The following SIPA1L2 variants were observed in gnomAD, a reference collection of about 807,000 sequenced individuals.
The protein encoded by SIPA1L2 is signal-induced proliferation-associated 1-like protein 2.
Under a neutral mutation model 163.9 loss-of-function variants are expected in SIPA1L2, and 56 were observed. The observed-to-expected ratio is 0.34, with a 90% CI of 0.28 to 0.43. The LOEUF is 0.43. SIPA1L2 is among the 20% of genes least tolerant of loss of function. The pLI is 1.00. For synonymous variants in SIPA1L2, 877 were observed against 865.7 expected, an observed-to-expected ratio of 1.01 and a Z score of -0.23; for missense variants, 1,974 against 2,193.5, an observed-to-expected ratio of 0.90 and a Z score of 2.00.
chr1:232,464,946 G>A lies in SIPA1L2; in HGVS notation c.2714C>T (p.Ser905Phe). The change falls in exon 9 of 23, where the codon TCT becomes TTT. Residue 905 changes from serine to phenylalanine, a missense_variant. Coordinates refer to ENST00000674635, the MANE Select transcript of SIPA1L2 (RefSeq NM_020808.5). ...AAACACTTTGATACTCACTAATCCA[G>A]ATGTCCACCCAATCACATCCCTGCA... Reference protein sequence around the residue: ...CSCRDVIGWTSGLVSIKVFYE... With the variant: ...CSCRDVIGWTFGLVSIKVFYE... 1 of 1,614,200 alleles carries A rather than the reference G, an allele frequency of 6.2e-7. No homozygotes were observed. The highest frequency in any genetic ancestry group is 8.5e-7 in the Non-Finnish European group (1 of 1,180,042).
chr1:232,445,828 C>A, intron 10 of SIPA1L2, 42 bp from the exon 11 acceptor site: 1 of 1,589,756 alleles, frequency 6.3e-7, no homozygotes, highest in Non-Finnish European at 8.6e-7. Context: ...AAGCTCTCAG[C>A]TGAGCTGTCA....
At chr1:232,603,811 C>T (rs1441916885) in intron 1 of SIPA1L2, among the ~76,000 whole-genome samples, 1 of 152,076 alleles carries the variant, frequency 6.6e-6, no homozygotes, top group Non-Finnish European at 1.5e-5. Flanking sequence ...CATCATTATA[C>T]CCCAAGTCTT....
At chr1:232,532,985 T>C (rs979472260) in intron 2 of SIPA1L2, among the ~76,000 whole-genome samples, 4 of 152,220 alleles carry the variant, frequency 2.6e-5, no homozygotes, top group Non-Finnish European at 5.9e-5. Flanking sequence ...TGACATTAGC[T>C]GTACAGATCT....
intron 1 of SIPA1L2, among the ~76,000 whole-genome samples, chr1:232,616,116 A>C (rs893200445): frequency 6.6e-6 from 1 of 152,212 alleles, no homozygotes; most frequent in African/African-American, 2.4e-5. Flanking sequence ...CCTCAGTCTT[A>C]GCCCATGTCT....
At chr1:232,512,892 G>A (rs767741585) in intron 3 of SIPA1L2, among the ~76,000 whole-genome samples, 2 of 152,228 alleles carry the variant, frequency 1.3e-5, no homozygotes, top group African/African-American at 2.4e-5. Context: ...AAAAGGAGGA[G>A]GAGAGTAGCG....
intron 1 of SIPA1L2, among the ~76,000 whole-genome samples, chr1:232,611,888 A>G (rs185446389): frequency 4.6e-5 from 7 of 152,326 alleles, no homozygotes; most frequent in African/African-American, 1.4e-4. Context: ...TCTCCAGGGC[A>G]TATCAGAGGC....
chr1:232,409,742 C>T (rs1660841223), intron 19 of SIPA1L2, among the ~76,000 whole-genome samples: 2 of 144,630 alleles, frequency 1.4e-5, no homozygotes. Context: ...AGCTGAGCTG[C>T]AGCTGCATGC....
chr1:232,403,838 C>G (rs1172378987), intron 20 of SIPA1L2, among the ~76,000 whole-genome samples: 1 of 152,166 alleles, frequency 6.6e-6, no homozygotes, highest in African/African-American at 2.4e-5. Context: ...TTTGCTACAG[C>G]CAATTTGCTT....
intron 2 of SIPA1L2, among the ~76,000 whole-genome samples, chr1:232,552,309 G>A (rs1658440727): frequency 6.6e-6 from 1 of 152,030 alleles, no homozygotes; most frequent in African/African-American, 2.4e-5. Flanking sequence ...TAATTCTTAG[G>A]TAAAAGGTTG....
rs1334791580 is a variant in SIPA1L2 at position 232,465,491 on chromosome 1, TATATACACACACACACACATATAC to T, written c.2244-99_2244-76del. ...TATGTATCTTTCCGAATTTGACATATATATACACACACACACACATATACATACACACACACACACACATATACA... is the reference window on the plus strand; with the variant it reads ...TATGTATCTTTCCGAATTTGACATATATACACACACACACACACATATACA... On this transcript the variant is annotated intron_variant, in intron 8 of 22. Transcript: ENST00000674635. The surrounding 1 kb of genome is among the most constrained non-coding windows in gnomAD (Gnocchi z 4.1). 678 of 1,166,378 alleles carry T rather than the reference TATATACACACACACACACATATAC, an allele frequency of 5.8e-4. 8 individuals carry two copies. Among genetic ancestry groups the T allele is most frequent in the Non-Finnish European group, 7.6e-4 (618 of 813,582 alleles). The allele number at this position is 1,166,378 out of a possible 1,614,324, so 72.3% of individuals were successfully genotyped here.
intron 2 of SIPA1L2, among the ~76,000 whole-genome samples, chr1:232,520,151 T>C (rs1273309281): frequency 6.6e-6 from 1 of 152,216 alleles, no homozygotes; most frequent in Admixed American, 6.5e-5. Context: ...TTTCTTTCTG[T>C]TCTTTAAGCT....
At chr1:232,476,578 C>A (rs921955103) in intron 7 of SIPA1L2, among the ~76,000 whole-genome samples, 4 of 152,014 alleles carry the variant, frequency 2.6e-5, no homozygotes, top group Non-Finnish European at 4.4e-5. Flanking sequence ...GGAAGACAGC[C>A]CTGGAAAAAG....
At chr1:232,597,310 T>C (rs557753878) in intron 1 of SIPA1L2, among the ~76,000 whole-genome samples, 1 of 151,940 alleles carries the variant, frequency 6.6e-6, no homozygotes, top group South Asian at 2.1e-4. Context: ...AAGGTGGGGA[T>C]AGTGAACTGG....
intron 2 of SIPA1L2, among the ~76,000 whole-genome samples, chr1:232,560,246 A>C (rs1224683367): frequency 6.6e-6 from 1 of 152,216 alleles, no homozygotes; most frequent in Non-Finnish European, 1.5e-5. Context: ...AAAATGGCTT[A>C]ACCACCTCCT....
intron 18 of SIPA1L2, among the ~76,000 whole-genome samples, chr1:232,420,943 C>G (rs1661543313): frequency 1.3e-5 from 2 of 152,236 alleles, no homozygotes; most frequent in South Asian, 4.1e-4. Context: ...AAGTTTCTCA[C>G]AGAGTTTTTC....
chr1:232,572,773 ATATATATTTATT>A (rs1659863367), intron 2 of SIPA1L2, among the ~76,000 whole-genome samples: 3 of 112,730 alleles, frequency 2.7e-5, no homozygotes, highest in Non-Finnish European at 5.4e-5. Flanking sequence ...ATATATATAT[ATATATATTTATT>A]TATTTATTTT....
chr1:232,606,834 T>C (rs1486227326), intron 1 of SIPA1L2, among the ~76,000 whole-genome samples: 1 of 151,892 alleles, frequency 6.6e-6, no homozygotes, highest in East Asian at 1.9e-4. Flanking sequence ...GAAACTAAAC[T>C]TAGATGTTAG....
In SIPA1L2 at chr1:232,425,677, G is replaced by C. The variant is rs747197799; in HGVS notation, c.4542C>G (p.Pro1514=). The change falls in exon 18 of 23, where the codon CCC becomes CCG. Residue 1514 remains proline (P), a synonymous_variant. Coordinates refer to ENST00000674635, the MANE Select transcript of SIPA1L2 (RefSeq NM_020808.5). ...GGGTGGTGCTGAACAGAATGTCGTT[G>C]GGCAGGGCCTGGTCAAGCACGGAAC... ...SRSSVLDQAL[P]NDILFSTTPP... 7 of 1,613,812 alleles carry C rather than the reference G, an allele frequency of 4.3e-6. No homozygotes were observed. Among genetic ancestry groups the C allele is most frequent in the Non-Finnish European group, 5.9e-6 (7 of 1,179,954 alleles).
At chr1:232,506,235 A>G (rs1401649707) in intron 3 of SIPA1L2, among the ~76,000 whole-genome samples, 1 of 152,230 alleles carries the variant, frequency 6.6e-6, no homozygotes, top group Admixed American at 6.5e-5. Context: ...TTAGAGGGAA[A>G]AGTCTTACAC....
Sources: gnomAD v4.1 joint callset for allele counts (sites outside exome capture counted in the v4.1 genomes callset) on GRCh38, gnomAD v4.1.1 for gene constraint, Gnocchi (gnomAD v3.1) non-coding constraint, MANE v1.5 for transcripts, NCBI Gene and HGNC (gene_info 2026-07-23, HGNC 2026-07-21) for gene names.